NHSL3: variants seen among roughly 807,000 people sequenced by gnomAD.
NHSL3 encodes the protein NHS like 3, also known as NHS-like protein 3.
the NHSL3 span, among the ~76,000 whole-genome samples, chr1:32,763,065 C>T: frequency 2.0e-5 from 3 of 149,530 alleles, no homozygotes; most frequent in African/African-American, 7.4e-5. Context: ...ACTGCAACTT[C>T]TGCCTCCTGG....
the NHSL3 span, among the ~76,000 whole-genome samples, chr1:32,747,058 G>C: frequency 6.6e-6 from 1 of 152,152 alleles, no homozygotes; most frequent in African/African-American, 2.4e-5. Context: ...AGGGAGGACT[G>C]TCCTTTCATG....
the NHSL3 span, chr1:32,770,391 C>T: frequency 6.2e-7 from 1 of 1,608,038 alleles, no homozygotes; most frequent in African/African-American, 1.3e-5. This position sits in a 1 kb window ranked among gnomAD's most constrained non-coding sequence, Gnocchi z 8.3. Flanking sequence ...GCCCACAGCC[C>T]CGCAGCCGCC....
the NHSL3 span, chr1:32,754,239 C>A: frequency 4.7e-5 from 33 of 696,564 alleles, no homozygotes; most frequent in Non-Finnish European, 6.9e-5. Flanking sequence ...GCGGTCGTCG[C>A]CACCGCTGCT....
At chr1:32,769,763 C>G in the NHSL3 span, 1 of 1,613,892 alleles carries the variant, frequency 6.2e-7, no homozygotes, top group Non-Finnish European at 8.5e-7. Context: ...CTGGGACTCC[C>G]GCAGCATGTG....
the NHSL3 span, chr1:32,768,730 G>T: frequency 1.9e-6 from 3 of 1,614,126 alleles, no homozygotes; most frequent in Non-Finnish European, 2.5e-6. Flanking sequence ...GAGCTCCACA[G>T]CAGAGGACGC....
At chr1:32,768,113 T>C in the NHSL3 span, 1 of 1,601,874 alleles carries the variant, frequency 6.2e-7, no homozygotes, top group Non-Finnish European at 8.6e-7. Context: ...ACCCAGAGTA[T>C]CCAGGTGAGC....
chr1:32,761,672 G>T, the NHSL3 span, among the ~76,000 whole-genome samples: 3 of 152,342 alleles, frequency 2.0e-5, no homozygotes, highest in South Asian at 6.2e-4. Flanking sequence ...CTGCCTCGAA[G>T]AACTTTTGTA....
At chr1:32,742,062 C>T in the NHSL3 span, 48 of 1,263,116 alleles carry the variant, frequency 3.8e-5, no homozygotes, top group South Asian at 1.1e-3. Flanking sequence ...GCCTCCGCCG[C>T]GCCTTCAGCT....
At chr1:32,767,323 C>T in the NHSL3 span, among the ~76,000 whole-genome samples, 1 of 151,994 alleles carries the variant, frequency 6.6e-6, no homozygotes, top group African/African-American at 2.4e-5. Context: ...AGTACATAGT[C>T]GTGTGTATAC....
chr1:32,760,957 G>C, the NHSL3 span, among the ~76,000 whole-genome samples: 1 of 152,136 alleles, frequency 6.6e-6, no homozygotes, highest in East Asian at 1.9e-4. Context: ...TGCTGCCTGA[G>C]TCTCTGCCCT....
the NHSL3 span, chr1:32,772,988 T>C: frequency 8.5e-5 from 99 of 1,161,620 alleles, no homozygotes; most frequent in Non-Finnish European, 1.2e-4. Context: ...CACAACCTAA[T>C]AGAGAGGGCG....
the NHSL3 span, chr1:32,771,539 TC>T: frequency 6.2e-7 from 1 of 1,600,052 alleles, no homozygotes; most frequent in Non-Finnish European, 8.5e-7. Flanking sequence ...ATGGCTGACT[TC>T]CCCCCACCAG....
the NHSL3 span, among the ~76,000 whole-genome samples, chr1:32,748,453 G>A: frequency 6.6e-6 from 1 of 152,150 alleles, no homozygotes; most frequent in East Asian, 1.9e-4. Flanking sequence ...CTGTTTGCCC[G>A]TCAGTCAACA....
chr1:32,765,654 G>T, the NHSL3 span: 1 of 1,530,350 alleles, frequency 6.5e-7, no homozygotes, highest in Non-Finnish European at 8.7e-7. Flanking sequence ...GGTGCTCTGC[G>T]GCGGGGCGGG....
At chr1:32,756,480 C>CA in the NHSL3 span, among the ~76,000 whole-genome samples, 1 of 117,618 alleles carries the variant, frequency 8.5e-6, no homozygotes. Flanking sequence ...ACCCCCCCCC[C>CA]CCGCCCATTT....
At chr1:32,748,352 T>C in the NHSL3 span, among the ~76,000 whole-genome samples, 1 of 152,106 alleles carries the variant, frequency 6.6e-6, no homozygotes, top group Non-Finnish European at 1.5e-5. Flanking sequence ...CATTTCTCTC[T>C]GCTGAGGAAG....
At chr1:32,761,705 C>T in the NHSL3 span, among the ~76,000 whole-genome samples, 10 of 152,284 alleles carry the variant, frequency 6.6e-5, no homozygotes, top group South Asian at 1.5e-3. Flanking sequence ...ACAGAGACTA[C>T]GTTTTGCCTT....
At chr1:32,761,349 T>G in the NHSL3 span, among the ~76,000 whole-genome samples, 1 of 152,078 alleles carries the variant, frequency 6.6e-6, no homozygotes, top group Non-Finnish European at 1.5e-5. Context: ...GAGCTCTGAC[T>G]TGGGTGGGGA....
At chr1:32,767,759 C>A in the NHSL3 span, 1 of 1,582,582 alleles carries the variant, frequency 6.3e-7, no homozygotes, top group South Asian at 1.1e-5. Flanking sequence ...GCCTTTACCT[C>A]ATTTCCCTTC....
Sources: gnomAD v4.1 joint callset for allele counts (sites outside exome capture counted in the v4.1 genomes callset) on GRCh38, gnomAD v4.1.1 for gene constraint, Gnocchi (gnomAD v3.1) non-coding constraint, MANE v1.5 for transcripts, NCBI Gene and HGNC (gene_info 2026-07-23, HGNC 2026-07-21) for gene names.